Variants in GPRIN1 observed in about 807,000 individuals in gnomAD.
GPRIN1 encodes the protein G protein regulated inducer of neurite outgrowth 1, also known as G protein-regulated inducer of neurite outgrowth 1.
A neutral mutation model predicts 2.8 loss-of-function variants in GPRIN1; 4 were observed. The observed-to-expected ratio is 1.45, with a 90% CI of 0.71 to 3.32. The LOEUF is 3.32. Among genes scored for constraint, GPRIN1 ranks in the 30% most tolerant of loss-of-function variants. The pLI, the probability that GPRIN1 is intolerant of heterozygous loss-of-function variation, is 0.01. For synonymous variants in GPRIN1, 589 were observed against 589.9 expected (o/e 1.00, Z 0.02); for missense variants, 1,322 against 1,343.4 (o/e 0.98, Z 0.25).
In GPRIN1 at chr5:176,599,756, A is replaced by C. The variant is rs1400393963; in HGVS notation, c.79T>G (p.Phe27Val). ...SSPPGPRPTA[F>V]FCPQDGSLGA... ...AGGCTCCCATCCTGTGGGCAGAAGA[A>C]GGCTGTGGGTCGGGGTCCTGGGGGG... Residue 27 changes from phenylalanine (F) to valine (V), a missense_variant, in exon 2 of 2, where the codon TTC becomes GTC. Phe to Val is a conservative substitution (Grantham distance 50). Transcript: ENST00000303991. 2 of 1,532,626 alleles carry C rather than the reference A, an allele frequency of 1.3e-6. No homozygotes were observed. The highest frequency in any genetic ancestry group is 1.8e-6 in the Non-Finnish European group (2 of 1,139,826). 94.9% of individuals were successfully genotyped at this position (1,532,626 alleles called of 1,614,324 possible).
At position 176,597,415 on chromosome 5, in the gene GPRIN1, G is replaced by A; in HGVS notation, c.2420C>T (p.Pro807Leu). The A allele has an allele frequency of 1.5e-6, 2 of 1,291,920 alleles. No individual in the cohort carries two copies. Among genetic ancestry groups the A allele is most frequent in the South Asian group, 2.6e-5 (1 of 39,024 alleles). The allele number at this position is 1,291,920 out of a possible 1,614,324, so 80.0% of individuals were successfully genotyped here. A position where few individuals can be genotyped will look rare whatever the true frequency, so the allele number is the denominator to read the frequency against. ...APSWEASAPP[P>L]PREDAGTQAG... ...CTGAGTGCCCGCGTCCTCGCGCGGC[G>A]GCGGCGGGGCGCTCGCCTCCCACGA... Residue 807 changes from proline (P) to leucine (L), a missense_variant, in exon 2 of 2, where the codon CCG (proline) becomes CTG (leucine). This residue lies in a region of GPRIN1 where 1,117 missense variants were observed against 1,128.6 expected (regional missense o/e 0.99). Transcript: ENST00000303991. This position sits in a 1 kb window ranked among gnomAD's most constrained non-coding sequence, Gnocchi z 6.1.
chr5:176,602,652 G>A lies in GPRIN1; in HGVS notation c.-43-2775C>T, dbSNP rs1759162961. On this transcript the variant is annotated intron_variant, in intron 1 of 1. Transcript: ENST00000303991. This position sits in a 1 kb window ranked among gnomAD's most constrained non-coding sequence, Gnocchi z 4.4. Reference sequence around the variant, plus strand: ...AGTTTACAACGCGCATAGCATTTGAGCCACCAAGCCCACCTCTAAGCATGG... The same window carrying A: ...AGTTTACAACGCGCATAGCATTTGAACCACCAAGCCCACCTCTAAGCATGG... Among the ~76,000 whole-genome samples the A allele has an allele frequency of 2.0e-5, 3 of 152,192 alleles. No individual in the cohort carries two copies. Among genetic ancestry groups the A allele is most frequent in the Admixed American group, 2.0e-4 (3 of 15,270 alleles).
At position 176,597,868 on chromosome 5, in the gene GPRIN1, G is replaced by T. The variant is rs776173659; in HGVS notation, c.1967C>A (p.Ala656Asp). The change falls in exon 2 of 2, where the codon GCT becomes GAT. Residue 656 changes from alanine to aspartate, a missense_variant. Physicochemically the swap from Ala to Asp is moderately radical, Grantham distance 126. This residue lies in a region of GPRIN1 where 1,117 missense variants were observed against 1,128.6 expected (regional missense o/e 0.99). Coordinates refer to ENST00000303991, the MANE Select transcript of GPRIN1 (RefSeq NM_052899.3). This position sits in a 1 kb window ranked among gnomAD's most constrained non-coding sequence, Gnocchi z 6.1. ...TGGTGTCTCCTTTTTCAAACACACA[G>T]CCCCTGCTTCCCCTGGTGCTGCAGC... ...EGAAAPGEAG[A>D]VCLKKETPQA... The T allele has an allele frequency of 6.2e-7, 1 of 1,613,186 alleles. No homozygotes were observed. Among genetic ancestry groups the T allele is most frequent in the Non-Finnish European group, 8.5e-7 (1 of 1,179,738 alleles).
chr5:176,599,681 C>A lies in GPRIN1; in HGVS notation c.154G>T (p.Ala52Ser). The A allele has an allele frequency of 6.4e-7, 1 of 1,569,604 alleles. No homozygotes were observed. Residue 52 changes from alanine to serine, a missense_variant, in exon 2 of 2, where the codon GCA becomes TCA. Transcript: ENST00000303991. Reference protein sequence around the residue: ...MRDYCPSQQKASPAPPRHTPD... With the variant: ...MRDYCPSQQKSSPAPPRHTPD... ...GTGTGCCTGGGGGGTGCAGGGCTTGCCTTTTGCTGGGAGGGGCAGTAATCC... is the reference window on the plus strand; with the variant it reads ...GTGTGCCTGGGGGGTGCAGGGCTTGACTTTTGCTGGGAGGGGCAGTAATCC...
Position 176,598,864 on chromosome 5 carries a change from C to T in GPRIN1, c.971G>A (p.Gly324Asp). The stretch of plus-strand genomic sequence containing the variant: ...TACAGGCCCATTCTTGCCTGATGAG[C>T]CTGGAATCAGCTTGCCCAGGAGCCC... Reference protein sequence around the residue: ...EPGLLGKLIPGSSGKNGPVSS... With the variant: ...EPGLLGKLIPDSSGKNGPVSS... The change falls in exon 2 of 2, where the codon GGC becomes GAC. Residue 324 changes from glycine to aspartate, a missense_variant. Physicochemically the swap from Gly to Asp is moderately conservative, Grantham distance 94. Around this residue, in one of 3 missense-constraint regions of GPRIN1, gnomAD observed 1,117 missense variants for 1,128.6 expected, o/e 0.99. Transcript: ENST00000303991. The T allele has an allele frequency of 6.2e-7, 1 of 1,613,974 alleles. No individual in the cohort carries two copies. Among genetic ancestry groups the T allele is most frequent in the South Asian group, 1.1e-5 (1 of 91,082 alleles).
rs749609013 is a variant in GPRIN1 at position 176,596,821 on chromosome 5, G to A, written c.3014C>T (p.Pro1005Leu). 2 of 1,426,472 alleles carry A rather than the reference G, an allele frequency of 1.4e-6. No individual in the cohort carries two copies. The highest frequency in any genetic ancestry group is 1.5e-5 in the South Asian group (1 of 66,602). 88.4% of individuals were successfully genotyped at this position (1,426,472 alleles called of 1,614,324 possible). A position where few individuals can be genotyped will look rare whatever the true frequency, so the allele number is the denominator to read the frequency against. Residue 1005 changes from proline (P) to leucine (L), a missense_variant, in exon 2 of 2, where the codon CCC becomes CTC. Pro to Leu is a moderately conservative substitution (Grantham distance 98). Coordinates refer to ENST00000303991, the MANE Select transcript of GPRIN1 (RefSeq NM_052899.3). The surrounding 1 kb of genome is among the most constrained non-coding windows in gnomAD (Gnocchi z 5.2). ...AATGGGGGCAGATCACTCGGCCGTGGGTCCCGCCCGCGAGCAGCACCGCGG... is the reference window on the plus strand; with the variant it reads ...AATGGGGGCAGATCACTCGGCCGTGAGTCCCGCCCGCGAGCAGCACCGCGG... Reference protein sequence around the residue: ...RRPRCCSRAGPTAE With the variant: ...RRPRCCSRAGLTAE
At chr5:176,605,442 C>T (rs1304838777) in intron 1 of GPRIN1, among the ~76,000 whole-genome samples, 1 of 152,162 alleles carries the variant, frequency 6.6e-6, no homozygotes, top group African/African-American at 2.4e-5. Context: ...CAGCTTGCAA[C>T]CTCTGATCCA....
rs140600683 is a variant in GPRIN1, at chr5:176,599,187, T to C, written c.648A>G (p.Lys216=). The C allele has an allele frequency of 8.7e-6, 14 of 1,613,682 alleles. No homozygotes were observed. The African/African-American group carries it at 1.7e-4, about 20-fold the overall frequency. Residue 216 remains lysine, a synonymous_variant, in exon 2 of 2, where the codon AAA becomes AAG. Coordinates refer to ENST00000303991, the MANE Select transcript of GPRIN1 (RefSeq NM_052899.3). The stretch of plus-strand genomic sequence containing the variant: ...TCTTGCTGGAGCACAAAGGATCTAC[T>C]TTTCCCAGGGATCCAAGATCTTCCT... ...VRKEDLGSLG[K]VDPLCSSKTY...
intron 1 of GPRIN1, among the ~76,000 whole-genome samples, chr5:176,608,056 G>C (rs967459459): frequency 6.6e-6 from 1 of 151,706 alleles, no homozygotes; most frequent in Non-Finnish European, 1.5e-5. Context: ...CTCCTAAGTA[G>C]CTATAGGCAT....
In GPRIN1 at chr5:176,604,199, C is replaced by CA. The variant is rs556054336; in HGVS notation, c.-43-4323dup. Among the ~76,000 whole-genome samples the CA allele has an allele frequency of 3.0e-3, 450 of 152,238 alleles. 1 individual carries two copies. Among genetic ancestry groups the CA allele is most frequent in the Non-Finnish European group, 3.9e-3 (268 of 68,028 alleles). ...TTTCAAATAATGGATGCTGTGAAGA[C>CA]AAAGGAGTGGGCAGCTGGTTTAGAC... On this transcript the variant is annotated intron_variant, in intron 1 of 1. Transcript: ENST00000303991.
At chr5:176,605,538 C>T (rs1382394102) in intron 1 of GPRIN1, among the ~76,000 whole-genome samples, 5 of 152,016 alleles carry the variant, frequency 3.3e-5, no homozygotes, top group Admixed American at 2.6e-4. Context: ...GGCGGAGTTC[C>T]GCGGCTGTAA....
Position 176,599,608 on chromosome 5 carries a change from C to T in GPRIN1, c.227G>A (p.Gly76Glu). The T allele has an allele frequency of 6.5e-7, 1 of 1,541,526 alleles. No individual in the cohort carries two copies. Among genetic ancestry groups the T allele is most frequent in the East Asian group, 2.3e-5 (1 of 44,358 alleles). ...GMESRHRSPSGAGEGASCSDG... is the reference protein window; with the variant it reads ...GMESRHRSPSEAGEGASCSDG... Reference sequence around the variant, plus strand: ...AGAGCAGGAGGCCCCTTCCCCAGCCCCACTGGGGCTTCTGTGTCTAGACTC... The same window carrying T: ...AGAGCAGGAGGCCCCTTCCCCAGCCTCACTGGGGCTTCTGTGTCTAGACTC... Residue 76 changes from glycine to glutamate, a missense_variant, in exon 2 of 2, where the codon GGG (glycine) becomes GAG (glutamate). Transcript: ENST00000303991.
chr5:176,607,903 CTTTTTTTTTTTTTTTTTTTTTT>C (rs35368228), intron 1 of GPRIN1, among the ~76,000 whole-genome samples: 10 of 67,352 alleles, frequency 1.5e-4, no homozygotes, highest in South Asian at 5.3e-4. Context: ...ACACTTGGCT[CTTTTTTTTTTTTTTTTTTTTTT>C]TTTTTTTTTT....
intron 1 of GPRIN1, among the ~76,000 whole-genome samples, chr5:176,608,149 G>A (rs974296397): frequency 2.0e-5 from 3 of 151,794 alleles, no homozygotes; most frequent in Non-Finnish European, 4.4e-5. Context: ...CAAATTCCTG[G>A]CCTCAAGCAA....
In GPRIN1 at chr5:176,598,451, T is replaced by C. The variant is rs35546362; in HGVS notation, c.1384A>G (p.Arg462Gly). 28 of 1,613,412 alleles carry C rather than the reference T, an allele frequency of 1.7e-5. No homozygotes were observed. Among genetic ancestry groups the C allele is most frequent in the African/African-American group, 1.7e-4 (13 of 74,928 alleles). The change falls in exon 2 of 2, where the codon AGA becomes GGA. Residue 462 changes from arginine to glycine, a missense_variant. Coordinates refer to ENST00000303991, the MANE Select transcript of GPRIN1 (RefSeq NM_052899.3). ...SPGKEDPVSS[R>G]REDPISAGSR... ...CCAGCAGATATGGGGTCCTCCCTTC[T>C]GGAGGACACCGGGTCCTCTTTTCCT...
In GPRIN1 at chr5:176,599,341, G is replaced by A; in HGVS notation, c.494C>T (p.Ser165Phe). 2 of 1,614,198 alleles carry A rather than the reference G, an allele frequency of 1.2e-6. No homozygotes were observed. ...GGACCCAGGATCCTCCTTTCCTATGGAAGTGGAATCGGCCTGCTTTGAGGA... is the reference window on the plus strand; with the variant it reads ...GGACCCAGGATCCTCCTTTCCTATGAAAGTGGAATCGGCCTGCTTTGAGGA... Reference protein sequence around the residue: ...FKSSKQADSTSIGKEDPGSSR... With the variant: ...FKSSKQADSTFIGKEDPGSSR... Residue 165 changes from serine to phenylalanine, a missense_variant, in exon 2 of 2, where the codon TCC becomes TTC. Ser to Phe is a radical substitution (Grantham distance 155, BLOSUM62 -2). This residue lies in a region of GPRIN1 where 1,117 missense variants were observed against 1,128.6 expected (regional missense o/e 0.99). Transcript: ENST00000303991.
Position 176,596,799 on chromosome 5 carries a change from G to T in GPRIN1, c.*9C>A. 7.0e-7 allele frequency: 1 copy of T among 1,430,462 alleles called. No individual in the cohort carries two copies. Among genetic ancestry groups the T allele is most frequent in the South Asian group, 1.5e-5 (1 of 66,840 alleles). The allele number at this position is 1,430,462 out of a possible 1,614,324, so 88.6% of individuals were successfully genotyped here. ...GGTCGGAAACTCGGGCGTACAAAAT[G>T]GGGGCAGATCACTCGGCCGTGGGTC... On this transcript the variant is annotated 3_prime_UTR_variant, in exon 2 of 2. Coordinates refer to ENST00000303991, the MANE Select transcript of GPRIN1 (RefSeq NM_052899.3). The surrounding 1 kb of genome is among the most constrained non-coding windows in gnomAD (Gnocchi z 5.2).
At chr5:176,604,294 G>A (rs1045379663) in intron 1 of GPRIN1, among the ~76,000 whole-genome samples, 7 of 152,310 alleles carry the variant, frequency 4.6e-5, no homozygotes, top group African/African-American at 1.2e-4. Flanking sequence ...GAGTGGAGTC[G>A]GAAAGGGGGT....
Position 176,600,428 on chromosome 5 carries a change from A to G in GPRIN1, c.-43-551T>C, listed in dbSNP as rs538303467. Among the ~76,000 whole-genome samples, 5 of 152,202 alleles carry G rather than the reference A, an allele frequency of 3.3e-5. No individual in the cohort carries two copies. The East Asian group carries it at 9.7e-4, about 30-fold the overall frequency. ...ACAGCCTAACTTTTCAACTTTGCCT[A>G]CTATCGCCCCTCTCTGTTCAACCCC... On this transcript the variant is annotated intron_variant, in intron 1 of 1. Coordinates refer to ENST00000303991, the MANE Select transcript of GPRIN1 (RefSeq NM_052899.3).
Sources: gnomAD v4.1 joint callset for allele counts (sites outside exome capture counted in the v4.1 genomes callset) on GRCh38, gnomAD v4.1.1 for gene constraint, gnomAD v4.1.1 regional missense constraint, Gnocchi (gnomAD v3.1) non-coding constraint, MANE v1.5 for transcripts, NCBI Gene and HGNC (gene_info 2026-07-23, HGNC 2026-07-21) for gene names.